Variants in PRKCH observed in about 807,000 individuals in gnomAD.
PRKCH encodes protein kinase C eta.
In PRKCH, 28 loss-of-function variants were observed where a neutral mutation model predicts 82.5. That is an observed-to-expected ratio of 0.34 (90% CI 0.25 to 0.47). The LOEUF (loss-of-function observed/expected upper bound fraction) is 0.47. Ranked by LOEUF, PRKCH falls within the 20% of genes least tolerant of loss-of-function variation. PRKCH has a pLI of 1.00. For synonymous variants in PRKCH, 322 were observed against 327.4 expected, an observed-to-expected ratio of 0.98 and a Z score of 0.18; for missense variants, 705 against 881.8, an observed-to-expected ratio of 0.80 and a Z score of 2.54.
intron 1 of PRKCH, among the ~76,000 whole-genome samples, chr14:61,329,212 G>A (rs1285780936): frequency 7.3e-6 from 1 of 137,080 alleles, no homozygotes; most frequent in South Asian, 2.4e-4. Flanking sequence ...GTTCTCCACT[G>A]CTCTTAGATA....
chr14:61,540,877 A>G (rs1317036804), intron 12 of PRKCH, among the ~76,000 whole-genome samples: 1 of 152,216 alleles, frequency 6.6e-6, no homozygotes, highest in Non-Finnish European at 1.5e-5. Flanking sequence ...ATTCCATAGC[A>G]GCACCATTCG....
At chr14:61,398,964 G>A (rs2046824585) in intron 2 of PRKCH, among the ~76,000 whole-genome samples, 1 of 152,192 alleles carries the variant, frequency 6.6e-6, no homozygotes, top group Non-Finnish European at 1.5e-5. Context: ...AACCGTGCCT[G>A]GATCTGTGAG....
chr14:61,351,418 G>A (rs1178877592), intron 1 of PRKCH, among the ~76,000 whole-genome samples: 2 of 152,192 alleles, frequency 1.3e-5, no homozygotes, highest in African/African-American at 2.4e-5. Context: ...GCATGTCAAG[G>A]AGGCAGGCAG....
intron 1 of PRKCH, among the ~76,000 whole-genome samples, chr14:61,264,085 G>C (rs117924931): frequency 0.013 from 2,010 of 152,126 alleles, 34 homozygotes; most frequent in East Asian, 0.069. Flanking sequence ...TGCCATTATA[G>C]CCAAGCAGAA....
chr14:61,517,805 A>G (rs900841334), intron 10 of PRKCH, among the ~76,000 whole-genome samples: 7 of 152,240 alleles, frequency 4.6e-5, no homozygotes, highest in Non-Finnish European at 8.8e-5. Flanking sequence ...ATTTCTCCTC[A>G]TTCAAAACCA....
intron 9 of PRKCH, among the ~76,000 whole-genome samples, chr14:61,478,886 A>G (rs1463671892): frequency 1.3e-5 from 2 of 152,160 alleles, no homozygotes; most frequent in African/African-American, 2.4e-5. Flanking sequence ...AATTGTGTGT[A>G]TTTTAGCTGA....
At chr14:61,246,644 C>T (rs2044886005) in intron 1 of PRKCH, among the ~76,000 whole-genome samples, 1 of 152,144 alleles carries the variant, frequency 6.6e-6, no homozygotes, top group African/African-American at 2.4e-5. Flanking sequence ...GTCCAGACCC[C>T]AAGAATGGAC....
At chr14:61,265,104 C>A (rs894168891) in intron 1 of PRKCH, among the ~76,000 whole-genome samples, 1 of 152,156 alleles carries the variant, frequency 6.6e-6, no homozygotes, top group Non-Finnish European at 1.5e-5. Context: ...CTCAACATAA[C>A]CTTTTTCAAA....
chr14:61,539,768 G>A (rs2043158464), intron 12 of PRKCH, among the ~76,000 whole-genome samples: 1 of 152,000 alleles, frequency 6.6e-6, no homozygotes, highest in Admixed American at 6.6e-5. Flanking sequence ...AGAGTCCCTT[G>A]ATATGGGCAC....
chr14:61,548,595 C>T (rs2140046128), intron 13 of PRKCH, among the ~76,000 whole-genome samples: 1 of 152,228 alleles, frequency 6.6e-6, no homozygotes, highest in African/African-American at 2.4e-5. Context: ...CGTGGTGGCT[C>T]ATGCCTATAA....
intron 2 of PRKCH, among the ~76,000 whole-genome samples, chr14:61,422,330 C>G (rs1451641851): frequency 6.6e-6 from 1 of 152,286 alleles, no homozygotes; most frequent in African/African-American, 2.4e-5. Context: ...AGCGATCCTC[C>G]CCTCCTGCCA....
At position 61,529,230 on chromosome 14, in the gene PRKCH, G is replaced by GATGC. The variant is rs2043012346; in HGVS notation, c.1572+19_1572+22dup. 2 of 1,597,536 alleles carry GATGC rather than the reference G, an allele frequency of 1.3e-6. No individual in the cohort carries two copies. On this transcript the variant is annotated intron_variant, in intron 11 of 13. Transcript: ENST00000332981. ...GCTCCAGAGGTGAGTGCAGCTGCTT[G>GATGC]ATGCAGCTCTGAAATCTGAGCTCTC... is the stretch of plus-strand genomic sequence containing the variant.
upstream of PRKCH, among the ~76,000 whole-genome samples, chr14:61,317,365 C>G (rs999232364): frequency 3.9e-5 from 6 of 152,224 alleles, no homozygotes; most frequent in Non-Finnish European, 7.3e-5. Context: ...CTTCCACTCA[C>G]AACTCCCTAC....
chr14:61,248,798 A>ATGTATGTG (rs1428817945), intron 1 of PRKCH, among the ~76,000 whole-genome samples: 30 of 21,986 alleles, frequency 1.4e-3, no homozygotes, highest in Admixed American at 7.4e-3. Context: ...GTATGTATGT[A>ATGTATGTG]TGTGTGTGTG....
At chr14:61,290,151 G>C (rs1351035070) in intron 1 of PRKCH, among the ~76,000 whole-genome samples, 1 of 152,032 alleles carries the variant, frequency 6.6e-6, no homozygotes, top group Non-Finnish European at 1.5e-5. Context: ...AATTAGTCGG[G>C]CGTGGTTGCG....
intron 4 of PRKCH, among the ~76,000 whole-genome samples, chr14:61,448,050 C>G (rs887906365): frequency 1.3e-5 from 2 of 152,160 alleles, no homozygotes; most frequent in African/African-American, 2.4e-5. Flanking sequence ...ACCAAGCTAA[C>G]CAGGAAAAAA....
chr14:61,422,379 A>G (rs74885230), intron 2 of PRKCH, among the ~76,000 whole-genome samples: 8,607 of 152,220 alleles, frequency 0.057, 538 homozygotes, highest in East Asian at 0.15. Context: ...CGTGAGCCAC[A>G]GTGCCTGGCC....
chr14:61,241,343 G>T (rs2044835117), intron 1 of PRKCH, among the ~76,000 whole-genome samples: 1 of 152,168 alleles, frequency 6.6e-6, no homozygotes, highest in Non-Finnish European at 1.5e-5. Flanking sequence ...TTTTATGGAA[G>T]CCTCATTACA....
intron 10 of PRKCH, among the ~76,000 whole-genome samples, chr14:61,497,259 A>G (rs1225617395): frequency 6.6e-6 from 1 of 152,150 alleles, no homozygotes; most frequent in Admixed American, 6.5e-5. Flanking sequence ...GATCTTGATC[A>G]GGTTACTTTA....
Sources: allele counts gnomAD v4.1 joint callset (sites outside exome capture counted in the v4.1 genomes callset), GRCh38; gene constraint gnomAD v4.1.1; transcripts MANE v1.5; gene names NCBI Gene and HGNC (gene_info 2026-07-23, HGNC 2026-07-21).